TMEM121: variants seen among roughly 807,000 people sequenced by gnomAD.
The protein encoded by TMEM121 is transmembrane protein 121A.
Under a neutral mutation model 16.4 loss-of-function variants are expected in TMEM121, and 8 were observed. The observed-to-expected ratio is 0.49, with a 90% CI of 0.29 to 0.88. The LOEUF (loss-of-function observed/expected upper bound fraction) is 0.88, where lower values mean the gene tolerates loss of function less well. TMEM121 is among the 40% of genes least tolerant of loss of function. TMEM121 has a pLI of 0.09. For missense variants in TMEM121, 401 were observed against 462.0 expected (o/e 0.87, Z 1.21); for synonymous variants, 235 against 226.2 (o/e 1.04, Z -0.35).
intron 1 of TMEM121, chr14:105,527,116 C>G (rs1388437455): frequency 6.6e-6 from 1 of 152,468 alleles, no homozygotes; most frequent in East Asian, 1.9e-4. Context: ...GAGAGGTGGC[C>G]GGGCCGGGCT....
At position 105,528,784 on chromosome 14, in the gene TMEM121, C is replaced by A. The variant is rs1595493689; in HGVS notation, c.-51C>A. ...TGGCTGAGCGCCGCAGGGCCTCGTC[C>A]CGCCAGGCGTGGGGGCCGCGCGCGC... On this transcript the variant is annotated 5_prime_UTR_variant, in exon 2 of 2. Coordinates refer to ENST00000392519, the MANE Select transcript of TMEM121 (RefSeq NM_025268.4). 1 of 1,277,688 alleles carries A rather than the reference C, an allele frequency of 7.8e-7. No homozygotes were observed. The highest frequency in any genetic ancestry group is 9.8e-7 in the Non-Finnish European group (1 of 1,018,652). 79.1% of individuals were successfully genotyped at this position (1,277,688 alleles called of 1,614,324 possible).
Position 105,526,973 on chromosome 14 carries a change from G to C in TMEM121, c.-114+320G>C, listed in dbSNP as rs2084593034. On this transcript the variant is annotated intron_variant, in intron 1 of 1. Coordinates refer to ENST00000392519, the MANE Select transcript of TMEM121 (RefSeq NM_025268.4). The surrounding 1 kb of genome is among the most constrained non-coding windows in gnomAD (Gnocchi z 6.8). ...TGGTTATGGGGCGAGGGTCCTTGCG[G>C]GGCCCGGGCAGTGAAGGGCCTGGAG... 1 of 152,536 alleles carries C rather than the reference G, an allele frequency of 6.6e-6. No individual in the cohort carries two copies. Among genetic ancestry groups the C allele is most frequent in the South Asian group, 2.1e-4 (1 of 4,840 alleles). 9.4% of individuals were successfully genotyped at this position (152,536 alleles called of 1,614,324 possible).
In TMEM121 at chr14:105,530,072, C is replaced by G; in HGVS notation, c.*278C>G. ...GTGATCCGGCCCCTGCCTGCTGGGC[C>G]GCCCGGGTTGGAAGGGAGGGCAGTG... On this transcript the variant is annotated 3_prime_UTR_variant, in exon 2 of 2. Transcript: ENST00000392519. 1 of 415,574 alleles carries G rather than the reference C, an allele frequency of 2.4e-6. No individual in the cohort carries two copies. The highest frequency in any genetic ancestry group is 4.0e-5 in the East Asian group (1 of 24,796). 25.7% of individuals were successfully genotyped at this position (415,574 alleles called of 1,614,324 possible).
At chr14:105,527,788 A>G (rs1214762372) in intron 1 of TMEM121, among the ~76,000 whole-genome samples, 2 of 151,406 alleles carry the variant, frequency 1.3e-5, no homozygotes, top group African/African-American at 2.4e-5. Context: ...TAAGCCTGTC[A>G]GTGACTTTGG....
In TMEM121 at chr14:105,526,735, T is replaced by G. The variant is rs1555443836; in HGVS notation, c.-114+82T>G. The stretch of plus-strand genomic sequence containing the variant: ...CGGCGGGCCTGGGCGACCCTGCACC[T>G]CTGGGCCGTGGGGACTGTGGGGTGG... On this transcript the variant is annotated intron_variant, in intron 1 of 1. Coordinates refer to ENST00000392519, the MANE Select transcript of TMEM121 (RefSeq NM_025268.4). This position sits in a 1 kb window ranked among gnomAD's most constrained non-coding sequence, Gnocchi z 6.8. 1 of 144,000 alleles carries G rather than the reference T, an allele frequency of 6.9e-6. No homozygotes were observed. The highest frequency in any genetic ancestry group is 1.5e-5 in the Non-Finnish European group (1 of 65,840). 8.9% of individuals were successfully genotyped at this position (144,000 alleles called of 1,614,324 possible).
chr14:105,528,850 C>T lies in TMEM121; in HGVS notation c.16C>T (p.Pro6Ser). Residue 6 changes from proline (P) to serine (S), a missense_variant, in exon 2 of 2, where the codon CCG becomes TCG. Physicochemically the swap from Pro to Ser is moderately conservative, Grantham distance 74 (BLOSUM62 -1). Transcript: ENST00000392519. MVLPP[P>S]DRRHVCLTTL... ...GCGGCCGACCATGGTGCTGCCGCCC[C>T]CGGACCGGCGCCACGTGTGCCTGAC... 1.3e-6 allele frequency: 2 copies of T among 1,538,448 alleles called. No individual in the cohort carries two copies. Among genetic ancestry groups the T allele is most frequent in the Non-Finnish European group, 1.8e-6 (2 of 1,141,884 alleles).
At position 105,529,704 on chromosome 14, in the gene TMEM121, C is replaced by A. The variant is rs1399278565; in HGVS notation, c.870C>A (p.Arg290=). 6.6e-7 allele frequency: 1 copy of A among 1,525,146 alleles called. No homozygotes were observed. The highest frequency in any genetic ancestry group is 2.5e-5 in the East Asian group (1 of 40,284). The allele number at this position is 1,525,146 out of a possible 1,614,324, so 94.5% of individuals were successfully genotyped here. A position where few individuals can be genotyped will look rare whatever the true frequency, so the allele number is the denominator to read the frequency against. ...SLELQPPPPQ[R]NSVPPPPPPL... The stretch of plus-strand genomic sequence containing the variant: ...AGCTGCAGCCGCCACCCCCGCAGCG[C>A]AACTCGGTGCCGCCGCCGCCGCCGC... The change falls in exon 2 of 2, where the codon CGC becomes CGA. Residue 290 remains arginine (R), a synonymous_variant. Transcript: ENST00000392519.
In TMEM121 at chr14:105,529,960, T is replaced by A; in HGVS notation, c.*166T>A. Reference sequence around the variant, plus strand: ...GCCGCTTCTTCATCTCAGGAATCTCTCGGACCGCGGATCCTCAGCCCCCGC... The same window carrying A: ...GCCGCTTCTTCATCTCAGGAATCTCACGGACCGCGGATCCTCAGCCCCCGC... On this transcript the variant is annotated 3_prime_UTR_variant, in exon 2 of 2. Transcript: ENST00000392519. 1 of 664,624 alleles carries A rather than the reference T, an allele frequency of 1.5e-6. No individual in the cohort carries two copies. The highest frequency in any genetic ancestry group is 2.3e-6 in the Non-Finnish European group (1 of 425,868). 41.2% of individuals were successfully genotyped at this position (664,624 alleles called of 1,614,324 possible).
Position 105,529,716 on chromosome 14 carries a change from G to T in TMEM121, c.882G>T (p.Pro294=). 1.4e-6 allele frequency: 2 copies of T among 1,387,954 alleles called. No individual in the cohort carries two copies. Among genetic ancestry groups the T allele is most frequent in the African/African-American group, 6.1e-5 (2 of 32,566 alleles). The allele number at this position is 1,387,954 out of a possible 1,614,324, so 86.0% of individuals were successfully genotyped here. ...CACCCCCGCAGCGCAACTCGGTGCC[G>T]CCGCCGCCGCCGCCGCTGCACGGCC... ...QPPPPQRNSV[P]PPPPPLHGPP... The change falls in exon 2 of 2, where the codon CCG becomes CCT. Residue 294 remains proline (P), a synonymous_variant. Transcript: ENST00000392519.
chr14:105,528,020 G>C (rs945119886), intron 1 of TMEM121, among the ~76,000 whole-genome samples: 2 of 151,968 alleles, frequency 1.3e-5, no homozygotes, highest in East Asian at 3.9e-4. Flanking sequence ...GCTCTGCCGG[G>C]GCAGAGGGTG....
At chr14:105,527,681 G>C (rs1480572293) in intron 1 of TMEM121, among the ~76,000 whole-genome samples, 5 of 152,016 alleles carry the variant, frequency 3.3e-5, no homozygotes, top group Non-Finnish European at 7.4e-5. Context: ...GCGCCCGACT[G>C]TCACGGGGAC....
Position 105,529,125 on chromosome 14 carries a change from C to T in TMEM121, c.291C>T (p.Tyr97=), listed in dbSNP as rs1339976366. ...EIKLYFIFQN[Y]KAARRGAADP... is the part of the protein sequence containing the mutation. ...AGCTCTACTTCATCTTCCAGAACTACAAGGCGGCGCGGCGCGGCGCGGCGG... is the reference window on the plus strand; with the variant it reads ...AGCTCTACTTCATCTTCCAGAACTATAAGGCGGCGCGGCGCGGCGCGGCGG... Residue 97 remains tyrosine, a synonymous_variant, in exon 2 of 2, where the codon TAC becomes TAT. Transcript: ENST00000392519. 3 of 1,608,714 alleles carry T rather than the reference C, an allele frequency of 1.9e-6. No individual in the cohort carries two copies. The highest frequency in any genetic ancestry group is 2.7e-5 in the African/African-American group (2 of 74,888).
Position 105,529,169 on chromosome 14 carries a change from C to G in TMEM121, c.335C>G (p.Ala112Gly). 2 of 1,589,218 alleles carry G rather than the reference C, an allele frequency of 1.3e-6. No individual in the cohort carries two copies. The highest frequency in any genetic ancestry group is 1.7e-6 in the Non-Finnish European group (2 of 1,170,410). Residue 112 changes from alanine (A) to glycine (G), a missense_variant, in exon 2 of 2, where the codon GCG becomes GGG. Transcript: ENST00000392519. ...RGAADPVARK[A>G]LTLLLSVCVP... ...GCGGCGGACCCCGTGGCGCGCAAGG[C>G]GCTGACGCTGCTGCTGTCTGTGTGT...
rs2084623962 is a variant in TMEM121 at position 105,529,558 on chromosome 14, G to A, written c.724G>A (p.Asp242Asn). 1 of 1,549,450 alleles carries A rather than the reference G, an allele frequency of 6.5e-7. No homozygotes were observed. The highest frequency in any genetic ancestry group is 8.7e-7 in the Non-Finnish European group (1 of 1,152,486). Reference protein sequence around the residue: ...ARAANMALFRDSRVSAIFVGK... With the variant: ...ARAANMALFRNSRVSAIFVGK... ...CGCCGCCAACATGGCGCTGTTCCGG[G>A]ACAGCCGTGTCTCGGCCATCTTCGT... The change falls in exon 2 of 2, where the codon GAC (aspartate) becomes AAC (asparagine). Residue 242 changes from aspartate (D) to asparagine (N), a missense_variant. Physicochemically the swap from Asp to Asn is conservative, Grantham distance 23. Transcript: ENST00000392519.
chr14:105,529,627 C>A lies in TMEM121; in HGVS notation c.793C>A (p.Leu265Met). Residue 265 changes from leucine to methionine, a missense_variant, in exon 2 of 2, where the codon CTG becomes ATG. Physicochemically the swap from Leu to Met is conservative, Grantham distance 15 (BLOSUM62 2). Transcript: ENST00000392519. ...VALATKACTFLEYRRQVRDFP... is the reference protein window; with the variant it reads ...VALATKACTFMEYRRQVRDFP... ...GCTCGCCACCAAGGCCTGCACCTTC[C>A]TGGAGTACCGCCGCCAGGTGCGCGA... The A allele has an allele frequency of 6.3e-7, 1 of 1,580,984 alleles. No homozygotes were observed.
chr14:105,529,353 C>T lies in TMEM121; in HGVS notation c.519C>T (p.Ser173=), dbSNP rs1567086778. The change falls in exon 2 of 2, where the codon TCC becomes TCT. Residue 173 remains serine (S), a synonymous_variant. Coordinates refer to ENST00000392519, the MANE Select transcript of TMEM121 (RefSeq NM_025268.4). ...MQASLWEPPR[S]GLPLWAEGLT... ...CCAGCCTGTGGGAGCCGCCGCGCTC[C>T]GGGCTGCCGCTGTGGGCCGAGGGCC... The T allele has an allele frequency of 2.6e-6, 4 of 1,540,190 alleles. No homozygotes were observed. In the South Asian group the frequency reaches 3.6e-5, roughly 14 times the overall value.
In TMEM121 at chr14:105,528,983, T is replaced by A. The variant is rs781951993; in HGVS notation, c.149T>A (p.Val50Glu). 10 of 1,611,788 alleles carry A rather than the reference T, an allele frequency of 6.2e-6. No homozygotes were observed. The highest frequency in any genetic ancestry group is 5.1e-6 in the Non-Finnish European group (6 of 1,179,470). Reference sequence around the variant, plus strand: ...TGCATCATCGTGCTGGTGGGCGACGTGTGCTTCCTGCTGGTGCTGCGCTAC... The same window carrying A: ...TGCATCATCGTGCTGGTGGGCGACGAGTGCTTCCTGCTGGTGCTGCGCTAC... ...GVCIIVLVGD[V>E]CFLLVLRYVA... Residue 50 changes from valine to glutamate, a missense_variant, in exon 2 of 2, where the codon GTG (valine) becomes GAG (glutamate). Physicochemically the swap from Val to Glu is moderately radical, Grantham distance 121 (BLOSUM62 -2). Transcript: ENST00000392519.
Position 105,528,984 on chromosome 14 carries a change from G to A in TMEM121, c.150G>A (p.Val50=), listed in dbSNP as rs1555444144. 6 of 1,611,964 alleles carry A rather than the reference G, an allele frequency of 3.7e-6. No homozygotes were observed. The highest frequency in any genetic ancestry group is 2.2e-5 in the East Asian group (1 of 44,824). Residue 50 remains valine (V), a synonymous_variant, in exon 2 of 2, where the codon GTG becomes GTA. Coordinates refer to ENST00000392519, the MANE Select transcript of TMEM121 (RefSeq NM_025268.4). ...GVCIIVLVGD[V]CFLLVLRYVA... ...GCATCATCGTGCTGGTGGGCGACGT[G>A]TGCTTCCTGCTGGTGCTGCGCTACG...
intron 1 of TMEM121, among the ~76,000 whole-genome samples, chr14:105,528,431 C>G (rs1555444035): frequency 6.6e-6 from 1 of 152,074 alleles, no homozygotes; most frequent in Middle Eastern, 3.2e-3. Flanking sequence ...CAGTGACAAA[C>G]CCCCCCGGGC....
Sources: allele counts gnomAD v4.1 joint callset (sites outside exome capture counted in the v4.1 genomes callset), GRCh38; gene constraint gnomAD v4.1.1; non-coding constraint Gnocchi (gnomAD v3.1); transcripts MANE v1.5; gene names NCBI Gene and HGNC (gene_info 2026-07-23, HGNC 2026-07-21).